GARNL3: variants seen among roughly 807,000 people sequenced by gnomAD.
GARNL3 encodes GTPase activating Rap/RanGAP domain like 3.
Under a neutral mutation model 125.0 loss-of-function variants are expected in GARNL3, and 63 were observed. The ratio of observed to expected loss-of-function variants is 0.50; its 90% confidence interval spans 0.41 to 0.62. The LOEUF is 0.62. Among genes scored for constraint, GARNL3 ranks in the 20% least tolerant of loss-of-function variants. GARNL3 has a pLI of 0.00. For synonymous variants in GARNL3, 439 were observed against 457.5 expected (o/e 0.96, Z 0.52); for missense variants, 994 against 1,244.0 (o/e 0.80, Z 3.02).
upstream of GARNL3, among the ~76,000 whole-genome samples, chr9:127,261,309 T>G (rs1249800567): frequency 6.6e-6 from 1 of 151,614 alleles, no homozygotes; most frequent in Non-Finnish European, 1.5e-5. Flanking sequence ...CTTCATATTG[T>G]GGCTGTATCC....
rs1832905580 is a variant in GARNL3, at chr9:127,392,189, T to C, written c.2871-894T>C. Among the ~76,000 whole-genome samples, 1 of 152,204 alleles carries C rather than the reference T, an allele frequency of 6.6e-6. No individual in the cohort carries two copies. Among genetic ancestry groups the C allele is most frequent in the African/African-American group, 2.4e-5 (1 of 41,438 alleles). ...GAGCCTCCTCTCAGAAGTCATAACC[T>C]GACAAGGCCCCTGCCCTCAGGGACT... On this transcript the variant is annotated intron_variant, in intron 27 of 27. Transcript: ENST00000373387. The surrounding 1 kb of genome is among the most constrained non-coding windows in gnomAD (Gnocchi z 5.2).
chr9:127,333,714 G>A (rs1829394202), intron 9 of GARNL3, among the ~76,000 whole-genome samples: 1 of 152,168 alleles, frequency 6.6e-6, no homozygotes, highest in South Asian at 2.1e-4. Flanking sequence ...AGAACATGTT[G>A]TGTTCTAGAA....
intron 11 of GARNL3, among the ~76,000 whole-genome samples, chr9:127,337,362 G>A (rs1023078044): frequency 8.5e-5 from 13 of 152,116 alleles, no homozygotes; most frequent in Non-Finnish European, 1.6e-4. Context: ...TGAGTTATAC[G>A]TTTTAGATTT....
At chr9:127,257,574 T>A (rs2063514762) in intron 2 of GARNL3, among the ~76,000 whole-genome samples, 1 of 152,230 alleles carries the variant, frequency 6.6e-6, no homozygotes, top group Admixed American at 6.5e-5. Context: ...GGGGCATATG[T>A]CTGCATCAGA....
chr9:127,368,406 C>T (rs1831409636), intron 22 of GARNL3, among the ~76,000 whole-genome samples: 2 of 150,938 alleles, frequency 1.3e-5, no homozygotes, highest in African/African-American at 2.4e-5. Context: ...TCTCGGCTCA[C>T]TGCAACCTCT....
chr9:127,325,367 G>A (rs2065537355), intron 7 of GARNL3, among the ~76,000 whole-genome samples: 1 of 152,148 alleles, frequency 6.6e-6, no homozygotes, highest in African/African-American at 2.4e-5. Flanking sequence ...ATCAGGGTGA[G>A]TAATGAGGTT....
chr9:127,315,176 G>T (rs901982374), intron 4 of GARNL3, among the ~76,000 whole-genome samples: 1 of 152,224 alleles, frequency 6.6e-6, no homozygotes, highest in African/African-American at 2.4e-5. Context: ...GCTGAAGGGA[G>T]GGAGGAACTG....
At chr9:127,330,997 C>T (rs565902693) in intron 7 of GARNL3, among the ~76,000 whole-genome samples, 13 of 152,314 alleles carry the variant, frequency 8.5e-5, no homozygotes, top group Non-Finnish European at 1.6e-4. Flanking sequence ...CTTCCTGCCT[C>T]TGACCCATTG....
chr9:127,235,690 CAT>C (rs2063098446), intron 1 of GARNL3, among the ~76,000 whole-genome samples: 1 of 151,932 alleles, frequency 6.6e-6, no homozygotes, highest in Admixed American at 6.6e-5. Flanking sequence ...TTTTCTGTGT[CAT>C]ATGTTGATAG....
chr9:127,366,129 C>T (rs1391583217), intron 22 of GARNL3, among the ~76,000 whole-genome samples: 1 of 152,196 alleles, frequency 6.6e-6, no homozygotes, highest in African/African-American at 2.4e-5. Flanking sequence ...ACATGTTTTT[C>T]GGCCTAGGAT....
At chr9:127,244,396 C>T (rs1260012448) in intron 2 of GARNL3, among the ~76,000 whole-genome samples, 4 of 152,184 alleles carry the variant, frequency 2.6e-5, no homozygotes, top group African/African-American at 9.7e-5. Flanking sequence ...GGCTCACATG[C>T]ATGAGGCTGT....
intron 1 of GARNL3, among the ~76,000 whole-genome samples, chr9:127,276,298 T>C (rs923420005): frequency 3.9e-5 from 6 of 152,096 alleles, no homozygotes. Context: ...GACAACTCTG[T>C]AGCCCTGTTA....
rs558784629 is a variant in GARNL3, at chr9:127,322,869, G to T, written c.567+2091G>T. 1.3e-4 allele frequency among the ~76,000 whole-genome samples: 20 copies of T among 152,288 alleles called. 1 individual carries two copies. In the South Asian group the frequency reaches 4.1e-3, roughly 32 times the overall value. ...TAACATTTTCCTTGACCAAAATCCAGAAGCAATGTGTGATTAAGCTAGCTT... is the reference window on the plus strand; with the variant it reads ...TAACATTTTCCTTGACCAAAATCCATAAGCAATGTGTGATTAAGCTAGCTT... On this transcript the variant is annotated intron_variant, in intron 6 of 27. Coordinates refer to ENST00000373387, the MANE Select transcript of GARNL3 (RefSeq NM_032293.5).
At chr9:127,354,171 G>T in intron 18 of GARNL3, 123 bp from the exon 19 acceptor site, 3 of 736,420 alleles carry the variant, frequency 4.1e-6, no homozygotes, top group South Asian at 3.4e-5. Flanking sequence ...AGTGGTGTGG[G>T]GTGCCTCCTG....
chr9:127,237,005 T>G (rs914893256), intron 1 of GARNL3, among the ~76,000 whole-genome samples: 3 of 152,228 alleles, frequency 2.0e-5, no homozygotes, highest in African/African-American at 7.2e-5. Context: ...AGTAATCTGT[T>G]GCAGACAACA....
intron 22 of GARNL3, among the ~76,000 whole-genome samples, chr9:127,374,440 T>C (rs1831779884): frequency 6.6e-6 from 1 of 152,220 alleles, no homozygotes; most frequent in South Asian, 2.1e-4. Flanking sequence ...AAGATATTTA[T>C]GAGCTTGGAT....
chr9:127,279,802 G>A (rs576811128), intron 1 of GARNL3, among the ~76,000 whole-genome samples: 2 of 152,126 alleles, frequency 1.3e-5, no homozygotes, highest in South Asian at 4.2e-4. Context: ...AAAACAAAGA[G>A]CTATTCAGAC....
chr9:127,258,062 G>A (rs2063522720), intron 2 of GARNL3, among the ~76,000 whole-genome samples: 1 of 152,144 alleles, frequency 6.6e-6, no homozygotes, highest in South Asian at 2.1e-4. Context: ...GGTCACGGTG[G>A]TCATGTGTGA....
At chr9:127,331,541 G>A (rs532757140) in intron 7 of GARNL3, among the ~76,000 whole-genome samples, 1 of 151,284 alleles carries the variant, frequency 6.6e-6, no homozygotes, top group East Asian at 1.9e-4. Context: ...AGGAAGAAAA[G>A]CATTAAAAAT....
Sources: allele counts gnomAD v4.1 joint callset (sites outside exome capture counted in the v4.1 genomes callset), GRCh38; gene constraint gnomAD v4.1.1; non-coding constraint Gnocchi (gnomAD v3.1); transcripts MANE v1.5; gene names NCBI Gene and HGNC (gene_info 2026-07-23, HGNC 2026-07-21).